Variants in INSYN2A observed in about 807,000 individuals in gnomAD.
The protein encoded by INSYN2A is family with sequence similarity 196 member A.
In INSYN2A, 17 loss-of-function variants were observed where a neutral mutation model predicts 39.4. The observed-to-expected ratio is 0.43, with a 90% CI of 0.30 to 0.65. The LOEUF is 0.65. Ranked by LOEUF, INSYN2A falls within the 30% of genes least tolerant of loss-of-function variation. The pLI is 0.14. For missense variants in INSYN2A, 595 were observed against 631.2 expected, an observed-to-expected ratio of 0.94 and a Z score of 0.61; for synonymous variants, 255 against 265.7, an observed-to-expected ratio of 0.96 and a Z score of 0.39.
chr10:127,179,765 T>G (rs1316013142), intron 2 of INSYN2A, among the ~76,000 whole-genome samples: 1 of 152,226 alleles, frequency 6.6e-6, no homozygotes, highest in Non-Finnish European at 1.5e-5. Flanking sequence ...ATTTCATTCA[T>G]CATTCCTTCA....
chr10:127,140,021 T>C (rs1327831841), intron 5 of INSYN2A, among the ~76,000 whole-genome samples: 1 of 152,210 alleles, frequency 6.6e-6, no homozygotes, highest in African/African-American at 2.4e-5. Context: ...ATGTTAGGTA[T>C]AGAAGCGTAA....
intron 4 of INSYN2A, among the ~76,000 whole-genome samples, chr10:127,159,062 A>C (rs529927420): frequency 1.3e-5 from 2 of 152,152 alleles, no homozygotes; most frequent in Non-Finnish European, 2.9e-5. Context: ...CTGGACATGA[A>C]CTGTTAATAG....
chr10:127,186,230 T>C (rs151183598), intron 2 of INSYN2A, among the ~76,000 whole-genome samples: 1 of 152,292 alleles, frequency 6.6e-6, no homozygotes, highest in East Asian at 1.9e-4. Flanking sequence ...CTGGGTTATT[T>C]ATAAAGGACA....
At chr10:127,146,931 C>A (rs923102881) in intron 5 of INSYN2A, among the ~76,000 whole-genome samples, 4 of 152,210 alleles carry the variant, frequency 2.6e-5, no homozygotes, top group African/African-American at 9.7e-5. Context: ...CGTGCACTAT[C>A]CTGACCAGCT....
intron 4 of INSYN2A, among the ~76,000 whole-genome samples, chr10:127,170,330 T>C (rs575501974): frequency 6.6e-6 from 1 of 152,308 alleles, no homozygotes; most frequent in African/African-American, 2.4e-5. Context: ...GGGGTCCTCT[T>C]GCTCTCTCCC....
At chr10:127,180,577 G>T (rs2055629659) in intron 2 of INSYN2A, among the ~76,000 whole-genome samples, 1 of 152,142 alleles carries the variant, frequency 6.6e-6, no homozygotes, top group African/African-American at 2.4e-5. Context: ...ATCAAAGTGA[G>T]CTGTAAATAC....
At chr10:127,145,746 C>G (rs373147232) in intron 5 of INSYN2A, among the ~76,000 whole-genome samples, 21 of 152,194 alleles carry the variant, frequency 1.4e-4, no homozygotes, top group Non-Finnish European at 2.5e-4. Context: ...GCCCGGAACC[C>G]TGGTTTCTAG....
chr10:127,153,466 T>C (rs1050971946), intron 5 of INSYN2A, among the ~76,000 whole-genome samples: 2 of 152,178 alleles, frequency 1.3e-5, no homozygotes, highest in African/African-American at 4.8e-5. Context: ...CCCAGGTCTT[T>C]CCATGGTATT....
intron 4 of INSYN2A, among the ~76,000 whole-genome samples, chr10:127,156,244 T>C (rs764614595): frequency 1.4e-4 from 21 of 152,186 alleles, no homozygotes; most frequent in Non-Finnish European, 2.6e-4. Context: ...CTTCTAATTA[T>C]GCTAGCCCCA....
At chr10:127,165,747 A>G (rs1006888301) in intron 4 of INSYN2A, among the ~76,000 whole-genome samples, 1 of 152,142 alleles carries the variant, frequency 6.6e-6, no homozygotes, top group African/African-American at 2.4e-5. Context: ...TTCCTCAAGG[A>G]GAGACGTTGC....
chr10:127,151,786 G>A (rs1045302621), intron 5 of INSYN2A, among the ~76,000 whole-genome samples: 2 of 152,134 alleles, frequency 1.3e-5, no homozygotes, highest in African/African-American at 2.4e-5. Context: ...TTGGTCACTC[G>A]CAGTTCTTCT....
chr10:127,196,574 C>G lies in INSYN2A; in HGVS notation c.-972G>C, dbSNP rs2134181400. On this transcript the variant is annotated 5_prime_UTR_variant, in exon 1 of 6. Transcript: ENST00000522781. ...TGCCGCCTGTGCGCCCGGCTGGCAC[C>G]GAGGCGGGCGGAGCCCCGGGCCCCG... Among the ~76,000 whole-genome samples, 1 of 138,394 alleles carries G rather than the reference C, an allele frequency of 7.2e-6. No individual in the cohort carries two copies. The highest frequency in any genetic ancestry group is 2.3e-4 in the South Asian group (1 of 4,406). The allele number at this position is 138,394 out of a possible 152,430, so 90.8% of individuals were successfully genotyped here. A position where few individuals can be genotyped will look rare whatever the true frequency, so the allele number is the denominator to read the frequency against.
At chr10:127,163,894 G>A (rs1272876089) in intron 4 of INSYN2A, among the ~76,000 whole-genome samples, 1 of 150,714 alleles carries the variant, frequency 6.6e-6, no homozygotes, top group African/African-American at 2.4e-5. Context: ...TTTCGATGGT[G>A]TGGACAAATT....
rs779422344 is a variant in INSYN2A at position 127,176,051 on chromosome 10, G to A, written c.345C>T (p.Tyr115=). The change falls in exon 4 of 6, where the codon TAC becomes TAT. Residue 115 remains tyrosine (Y), a synonymous_variant. Coordinates refer to ENST00000522781, the MANE Select transcript of INSYN2A (RefSeq NM_001039762.3). The surrounding 1 kb of genome is among the most constrained non-coding windows in gnomAD (Gnocchi z 4.4). The stretch of plus-strand genomic sequence containing the variant: ...TTTTGCGGTCCAGAGGGAACGTCTG[G>A]TAACACTTCTTAAGGTCGGGCGAGG... ...VQTSPDLKKC[Y]QTFPLDRKKG... The A allele has an allele frequency of 1.2e-6, 2 of 1,614,120 alleles. No homozygotes were observed. The highest frequency in any genetic ancestry group is 2.2e-5 in the East Asian group (1 of 44,854).
Position 127,163,799 on chromosome 10 carries a change from C to CTTTT in INSYN2A, c.1185-9880_1185-9877dup, listed in dbSNP as rs531750560. ...ACTTCCGTGTCTGGATAAAGCCTTC[C>CTTTT]TTTTTTTTTTTTTTTTTTTGCCCTG... On this transcript the variant is annotated intron_variant, in intron 4 of 5. Coordinates refer to ENST00000522781, the MANE Select transcript of INSYN2A (RefSeq NM_001039762.3). Among the ~76,000 whole-genome samples, 605 of 129,204 alleles carry CTTTT rather than the reference C, an allele frequency of 4.7e-3. 2 individuals carry two copies. Among genetic ancestry groups the CTTTT allele is most frequent in the Admixed American group, 8.0e-3 (101 of 12,634 alleles). 84.8% of individuals were successfully genotyped at this position (129,204 alleles called of 152,430 possible). A position where few individuals can be genotyped will look rare whatever the true frequency, so the allele number is the denominator to read the frequency against.
In INSYN2A at chr10:127,143,167, G is replaced by T. The variant is rs116214927; in HGVS notation, c.1257-5147C>A. Among the ~76,000 whole-genome samples, 142 of 152,334 alleles carry T rather than the reference G, an allele frequency of 9.3e-4. 2 individuals carry two copies. Among genetic ancestry groups the T allele is most frequent in the African/African-American group, 3.3e-3 (136 of 41,584 alleles). ...ACTGAATCCTCAAGATAATTTAAGAGGAACACATTTTTAAAGTTGCCTTCT... is the reference window on the plus strand; with the variant it reads ...ACTGAATCCTCAAGATAATTTAAGATGAACACATTTTTAAAGTTGCCTTCT... On this transcript the variant is annotated intron_variant, in intron 5 of 5. Transcript: ENST00000522781.
intron 2 of INSYN2A, among the ~76,000 whole-genome samples, chr10:127,186,813 G>C (rs1411004039): frequency 2.0e-5 from 3 of 152,040 alleles, no homozygotes; most frequent in Admixed American, 6.6e-5. Flanking sequence ...AAGAGAGAGA[G>C]GTTGTTAGGG....
intron 2 of INSYN2A, among the ~76,000 whole-genome samples, chr10:127,182,223 G>A (rs1451954167): frequency 6.6e-6 from 1 of 152,162 alleles, no homozygotes; most frequent in Non-Finnish European, 1.5e-5. Context: ...GAGGTTAAAT[G>A]TAGGCATCGA....
chr10:127,167,218 G>A (rs368720392), intron 4 of INSYN2A, among the ~76,000 whole-genome samples: 1 of 152,114 alleles, frequency 6.6e-6, no homozygotes, highest in Non-Finnish European at 1.5e-5. Flanking sequence ...AATATGAAAT[G>A]TGCTTCCCAT....
Sources: gnomAD v4.1 joint callset for allele counts (sites outside exome capture counted in the v4.1 genomes callset) on GRCh38, gnomAD v4.1.1 for gene constraint, Gnocchi (gnomAD v3.1) non-coding constraint, MANE v1.5 for transcripts, NCBI Gene and HGNC (gene_info 2026-07-23, HGNC 2026-07-21) for gene names.